The following IPO7 variants were observed in gnomAD, a reference collection of about 807,000 sequenced individuals.
IPO7 encodes importin 7, also known as importin-7.
A neutral mutation model predicts 136.4 loss-of-function variants in IPO7; 13 were observed. The observed-to-expected ratio is 0.10, with a 90% CI of 0.06 to 0.15. The LOEUF (loss-of-function observed/expected upper bound fraction) is 0.15. Ranked by LOEUF, IPO7 falls within the 10% of genes least tolerant of loss-of-function variation. IPO7 has a pLI of 1.00. For missense variants in IPO7, 857 were observed against 1,240.6 expected (o/e 0.69, Z 4.65); for synonymous variants, 403 against 404.4 (o/e 1.00, Z 0.04).
At chr11:9,419,557 A>ATATATAT (rs1318848863) in intron 6 of IPO7, among the ~76,000 whole-genome samples, 10 of 125,826 alleles carry the variant, frequency 7.9e-5, no homozygotes, top group African/African-American at 3.2e-4. Context: ...AAAAAAAAAA[A>ATATATAT]AAATATATAT....
intron 4 of IPO7, 76 bp from the exon 5 acceptor site, chr11:9,414,175 GTAAA>G: frequency 9.9e-7 from 1 of 1,007,942 alleles, no homozygotes. Flanking sequence ...TTATATTTGT[GTAAA>G]TAAATGCATA....
At chr11:9,404,218 C>G (rs1854842097) in intron 2 of IPO7, among the ~76,000 whole-genome samples, 1 of 152,190 alleles carries the variant, frequency 6.6e-6, no homozygotes, top group African/African-American at 2.4e-5. Flanking sequence ...GTAATCCCAG[C>G]ACTTTGGGAG....
intron 15 of IPO7, chr11:9,430,462 A>G (rs1855277932): frequency 6.0e-6 from 1 of 166,724 alleles, no homozygotes; most frequent in Non-Finnish European, 1.3e-5. Flanking sequence ...AGTGCCCTGG[A>G]ATGCTCAAAA....
chr11:9,417,092 A>G lies in IPO7; in HGVS notation c.670A>G (p.Asn224Asp), dbSNP rs774854008. 3.8e-6 allele frequency: 6 copies of G among 1,567,726 alleles called. No individual in the cohort carries two copies. The highest frequency in any genetic ancestry group is 5.3e-6 in the Non-Finnish European group (6 of 1,139,454). ...ACCACTGGAACTGATAAACCAACAGAACCTGACAGAATGGATAGAAATTTT... is the reference window on the plus strand; with the variant it reads ...ACCACTGGAACTGATAAACCAACAGGACCTGACAGAATGGATAGAAATTTT... ...TLPLELINQQ[N>D]LTEWIEILKT... Residue 224 changes from asparagine to aspartate, a missense_variant, in exon 6 of 25, where the codon AAC becomes GAC. Around this residue, in one of 11 missense-constraint regions of IPO7, gnomAD observed 287 missense variants for 307.5 expected, o/e 0.93. Coordinates refer to ENST00000379719, the MANE Select transcript of IPO7 (RefSeq NM_006391.3).
chr11:9,431,681 CAT>C (rs1393748545), intron 16 of IPO7, among the ~76,000 whole-genome samples: 1 of 151,712 alleles, frequency 6.6e-6, no homozygotes, highest in East Asian at 1.9e-4. Context: ...TTAAAAAATC[CAT>C]TATTGGGCGG....
intron 1 of IPO7, among the ~76,000 whole-genome samples, chr11:9,399,460 A>C (rs976867017): frequency 6.6e-6 from 1 of 152,000 alleles, no homozygotes; most frequent in East Asian, 1.9e-4. Flanking sequence ...CGCGCCCGGC[A>C]GCATTTTAAA....
chr11:9,392,403 C>G (rs755730236), intron 1 of IPO7: 1 of 224,518 alleles, frequency 4.5e-6, no homozygotes. Flanking sequence ...CTCGAACTCC[C>G]GAGATCCGCC....
chr11:9,403,622 A>G (rs760498814), intron 2 of IPO7: 7 of 411,226 alleles, frequency 1.7e-5, no homozygotes, highest in East Asian at 4.7e-5. Flanking sequence ...AAAAGGTTCT[A>G]TGTATTTTTA....
chr11:9,393,404 CG>C (rs1390474728), intron 1 of IPO7, among the ~76,000 whole-genome samples: 1 of 152,024 alleles, frequency 6.6e-6, no homozygotes, highest in East Asian at 1.9e-4. Context: ...TTTCTTGAGA[CG>C]GAGTCTCACT....
chr11:9,384,963 G>A (rs1390501983), intron 1 of IPO7, 116 bp downstream of exon 1: 5 of 751,390 alleles, frequency 6.7e-6, no homozygotes, highest in Admixed American at 2.7e-5. Context: ...CCAGCAGGAG[G>A]GTGGGGCGGA....
chr11:9,436,342 G>A lies in IPO7; in HGVS notation c.2244G>A (p.Gln748=). 2 of 1,613,380 alleles carry A rather than the reference G, an allele frequency of 1.2e-6. No individual in the cohort carries two copies. The highest frequency in any genetic ancestry group is 1.7e-6 in the Non-Finnish European group (2 of 1,179,354). Residue 748 remains glutamine, a synonymous_variant, in exon 20 of 25, where the codon CAG becomes CAA. Transcript: ENST00000379719. ...AAKLLEVIIL[Q]CKGRGIDQCI... ...AATTGTTAGAGGTCATCATTCTGCA[G>A]TGCAAAGGGCGTGGCATTGACCAGG...
chr11:9,400,704 G>A (rs572009311), intron 1 of IPO7, among the ~76,000 whole-genome samples: 14 of 152,118 alleles, frequency 9.2e-5, no homozygotes, highest in African/African-American at 3.4e-4. Context: ...TTACAGGCGT[G>A]AGCCACTGTG....
intron 1 of IPO7, among the ~76,000 whole-genome samples, chr11:9,396,485 A>T (rs1473193868): frequency 1.3e-5 from 2 of 152,234 alleles, no homozygotes; most frequent in Non-Finnish European, 2.9e-5. Context: ...AGTGGCTTTT[A>T]GTATGTTCAC....
chr11:9,433,510 T>A, intron 16 of IPO7, 60 bp from the exon 17 acceptor site: 1 of 1,136,740 alleles, frequency 8.8e-7, no homozygotes, highest in South Asian at 1.3e-5. Context: ...TAATATGCGT[T>A]GTCTTACTAA....
rs1363398720 is a variant in IPO7, at chr11:9,447,409, G to A, written c.*2215G>A. On this transcript the variant is annotated 3_prime_UTR_variant, in exon 25 of 25. Transcript: ENST00000379719. ...CTTATAATTAAACTATTTAAATAGTGTTCAAATGATAGTTTCTAATGCATC... is the reference window on the plus strand; with the variant it reads ...CTTATAATTAAACTATTTAAATAGTATTCAAATGATAGTTTCTAATGCATC... The A allele has an allele frequency of 6.6e-6, 1 of 152,122 alleles. No individual in the cohort carries two copies. The highest frequency in any genetic ancestry group is 2.1e-4 in the South Asian group (1 of 4,830). The allele number at this position is 152,122 out of a possible 1,614,324, so 9.4% of individuals were successfully genotyped here. A position where few individuals can be genotyped will look rare whatever the true frequency, so the allele number is the denominator to read the frequency against.
chr11:9,413,868 A>G (rs1412119061), intron 4 of IPO7, among the ~76,000 whole-genome samples: 3 of 151,834 alleles, frequency 2.0e-5, no homozygotes, highest in African/African-American at 2.4e-5. Context: ...ATCTATATCA[A>G]TTGATTCACA....
intron 2 of IPO7, 79 bp from the exon 3 acceptor site, chr11:9,408,407 C>A: frequency 1.2e-6 from 1 of 818,948 alleles, no homozygotes; most frequent in Non-Finnish European, 1.7e-6. Flanking sequence ...GAAAGAAATA[C>A]TTGAGGTATG....
chr11:9,419,556 AAAAATATATATAT>A (rs1267482914), intron 6 of IPO7, among the ~76,000 whole-genome samples: 1 of 133,686 alleles, frequency 7.5e-6, no homozygotes, highest in East Asian at 2.1e-4. Context: ...AAAAAAAAAA[AAAAATATATATAT>A]ATATATATAT....
intron 2 of IPO7, among the ~76,000 whole-genome samples, chr11:9,406,521 G>C (rs1854890666): frequency 6.6e-6 from 1 of 152,016 alleles, no homozygotes; most frequent in Non-Finnish European, 1.5e-5. Flanking sequence ...TACACAATTG[G>C]AAGGAGTTAA....
Sources: allele counts gnomAD v4.1 joint callset (sites outside exome capture counted in the v4.1 genomes callset), GRCh38; gene constraint gnomAD v4.1.1; regional missense constraint gnomAD v4.1.1; transcripts MANE v1.5; gene names NCBI Gene and HGNC (gene_info 2026-07-23, HGNC 2026-07-21).